The following BAIAP2L1 variants were observed in gnomAD, a reference collection of about 807,000 sequenced individuals.
BAIAP2L1 encodes the protein BAR/IMD domain-containing adapter protein 2-like 1.
A neutral mutation model predicts 66.3 loss-of-function variants in BAIAP2L1; 35 were observed. The ratio of observed to expected loss-of-function variants is 0.53; its 90% CI spans 0.40 to 0.70. The LOEUF is 0.70. BAIAP2L1 is among the 30% of genes least tolerant of loss of function. The pLI, the probability that BAIAP2L1 is intolerant of heterozygous loss-of-function variation, is 0.00. For synonymous variants in BAIAP2L1, 269 were observed against 248.7 expected, an observed-to-expected ratio of 1.08 and a Z score of -0.77; for missense variants, 622 against 656.9, an observed-to-expected ratio of 0.95 and a Z score of 0.58.
At chr7:98,307,989 C>T in intron 9 of BAIAP2L1, 93 bp from the exon 10 acceptor site, 1 of 1,222,580 alleles carries the variant, frequency 8.2e-7, no homozygotes, top group East Asian at 2.3e-5. Flanking sequence ...CACCTGTTCT[C>T]ATCTTGCCAA....
chr7:98,401,000 G>A lies in BAIAP2L1; in HGVS notation c.-148C>T, dbSNP rs1803357986. 2 of 585,664 alleles carry A rather than the reference G, an allele frequency of 3.4e-6. No homozygotes were observed. The highest frequency in any genetic ancestry group is 5.1e-6 in the Non-Finnish European group (2 of 390,978). 36.3% of individuals were successfully genotyped at this position (585,664 alleles called of 1,614,324 possible). On this transcript the variant is annotated 5_prime_UTR_variant, in exon 1 of 14. Transcript: ENST00000005260. ...GCCGTCGGCCCGAGAGTGCCCGCGCGCGTCTCCGCTGCGAAAATGTCAAAA... is the reference window on the plus strand; with the variant it reads ...GCCGTCGGCCCGAGAGTGCCCGCGCACGTCTCCGCTGCGAAAATGTCAAAA...
At chr7:98,304,453 C>G (rs1025236833) in intron 11 of BAIAP2L1, 77 bp from the exon 12 acceptor site, 8 of 1,440,108 alleles carry the variant, frequency 5.6e-6, no homozygotes, top group Non-Finnish European at 6.7e-6. Context: ...GTGTCCCTGA[C>G]CAAGGACAAC....
intron 1 of BAIAP2L1, among the ~76,000 whole-genome samples, chr7:98,397,086 AAAT>A: frequency 6.6e-6 from 1 of 152,260 alleles, no homozygotes; most frequent in East Asian, 1.9e-4. Context: ...AAACATAAAT[AAAT>A]ACATCACATA....
intron 1 of BAIAP2L1, among the ~76,000 whole-genome samples, chr7:98,366,883 CCCT>C (rs907985044): frequency 3.9e-5 from 6 of 152,216 alleles, no homozygotes; most frequent in South Asian, 4.2e-4. Flanking sequence ...ATCCCTTCTT[CCCT>C]CCTTTCTTCC....
chr7:98,364,765 A>C (rs1218800644), intron 1 of BAIAP2L1, among the ~76,000 whole-genome samples: 3 of 151,860 alleles, frequency 2.0e-5, no homozygotes, highest in African/African-American at 7.3e-5. Flanking sequence ...GAGGATCACC[A>C]CTTGAGCCCA....
At chr7:98,384,158 A>G (rs113127790) in intron 1 of BAIAP2L1, among the ~76,000 whole-genome samples, 1 of 59,492 alleles carries the variant, frequency 1.7e-5, no homozygotes, top group Admixed American at 1.8e-4. Flanking sequence ...CCGTCTCAGA[A>G]AAAAAAAAAA....
At chr7:98,354,572 C>T (rs1802077433) in intron 3 of BAIAP2L1, among the ~76,000 whole-genome samples, 1 of 152,166 alleles carries the variant, frequency 6.6e-6, no homozygotes, top group East Asian at 1.9e-4. Context: ...CCCTCTCTGC[C>T]TGCACAGGAG....
At chr7:98,378,986 C>T (rs747288953) in intron 1 of BAIAP2L1, among the ~76,000 whole-genome samples, 22 of 152,272 alleles carry the variant, frequency 1.4e-4, no homozygotes, top group South Asian at 8.3e-4. Context: ...TCTGCCACCG[C>T]GCCTGGCTAA....
At chr7:98,332,680 G>A (rs1367489799) in intron 3 of BAIAP2L1, among the ~76,000 whole-genome samples, 1 of 150,322 alleles carries the variant, frequency 6.7e-6, no homozygotes, top group Non-Finnish European at 1.5e-5. Flanking sequence ...CTAGTGGTGG[G>A]CACCTGTAAT....
chr7:98,336,749 G>C (rs1436144581), intron 3 of BAIAP2L1, among the ~76,000 whole-genome samples: 1 of 152,226 alleles, frequency 6.6e-6, no homozygotes, highest in East Asian at 1.9e-4. Context: ...TTAAGAAAGA[G>C]AATACAAAAC....
intron 3 of BAIAP2L1, among the ~76,000 whole-genome samples, chr7:98,347,777 C>CA (rs1017375062): frequency 1.6e-3 from 223 of 137,924 alleles, no homozygotes; most frequent in African/African-American, 2.6e-3. Flanking sequence ...AACAATGTCT[C>CA]AAAAAAAAAA....
At chr7:98,378,169 C>CA (rs764036802) in intron 1 of BAIAP2L1, among the ~76,000 whole-genome samples, 87 of 150,700 alleles carry the variant, frequency 5.8e-4, no homozygotes, top group Non-Finnish European at 1.2e-3. Flanking sequence ...AAAATAAAAA[C>CA]AAAAACGAAC....
At chr7:98,384,184 A>C (rs898264881) in intron 1 of BAIAP2L1, among the ~76,000 whole-genome samples, 1 of 151,798 alleles carries the variant, frequency 6.6e-6, no homozygotes, top group Non-Finnish European at 1.5e-5. Context: ...AAAGAGCTCC[A>C]GTCCTTGGAA....
At chr7:98,395,012 G>A (rs1239498566) in intron 1 of BAIAP2L1, among the ~76,000 whole-genome samples, 4 of 152,062 alleles carry the variant, frequency 2.6e-5, no homozygotes, top group Non-Finnish European at 5.9e-5. Context: ...TCGGGAGGCT[G>A]AGACAGGAGA....
intron 12 of BAIAP2L1, among the ~76,000 whole-genome samples, chr7:98,294,535 A>G (rs945821478): frequency 3.3e-5 from 5 of 152,188 alleles, no homozygotes; most frequent in African/African-American, 1.2e-4. Context: ...GCCGCCTGCT[A>G]AACTCGGAAA....
chr7:98,297,986 CT>C (rs1386847178), intron 12 of BAIAP2L1, among the ~76,000 whole-genome samples: 1 of 151,458 alleles, frequency 6.6e-6, no homozygotes, highest in Non-Finnish European at 1.5e-5. Context: ...ATCCCAGCAC[CT>C]TGGGAGGCCA....
intron 3 of BAIAP2L1, among the ~76,000 whole-genome samples, chr7:98,330,483 C>T (rs560109169): frequency 6.6e-6 from 1 of 151,900 alleles, no homozygotes; most frequent in Non-Finnish European, 1.5e-5. Context: ...CATGATGAAA[C>T]CCTGTCTCTA....
chr7:98,335,013 C>T (rs1584465021), intron 3 of BAIAP2L1, among the ~76,000 whole-genome samples: 2 of 150,624 alleles, frequency 1.3e-5, no homozygotes, highest in South Asian at 2.1e-4. Context: ...AGTAGCCGGG[C>T]GTGGTGGCGG....
intron 3 of BAIAP2L1, among the ~76,000 whole-genome samples, chr7:98,325,705 T>A (rs1051798856): frequency 2.0e-5 from 3 of 151,630 alleles, no homozygotes; most frequent in Admixed American, 2.0e-4. Flanking sequence ...AAAAAAAAAA[T>A]AAAAATGTCA....
Sources: gnomAD v4.1 joint callset for allele counts (sites outside exome capture counted in the v4.1 genomes callset) on GRCh38, gnomAD v4.1.1 for gene constraint, MANE v1.5 for transcripts, NCBI Gene and HGNC (gene_info 2026-07-23, HGNC 2026-07-21) for gene names.